ERC1: variants seen among roughly 807,000 people sequenced by gnomAD.
The protein encoded by ERC1 is RAB6 interacting protein 2.
In ERC1, 56 loss-of-function variants were observed where a neutral mutation model predicts 132.0. That is an observed-to-expected ratio of 0.42 (90% CI 0.34 to 0.53). The LOEUF (loss-of-function observed/expected upper bound fraction) is 0.53, where lower values mean the gene tolerates loss of function less well. ERC1 is among the 20% of genes least tolerant of loss of function. The pLI is 0.03. For synonymous variants in ERC1, 478 were observed against 476.1 expected, an observed-to-expected ratio of 1.00 and a Z score of -0.05; for missense variants, 1,202 against 1,349.9, an observed-to-expected ratio of 0.89 and a Z score of 1.72.
chr12:1,169,688 G>C (rs909628218), intron 8 of ERC1, among the ~76,000 whole-genome samples: 3 of 152,160 alleles, frequency 2.0e-5, no homozygotes, highest in East Asian at 3.8e-4. Context: ...AATTCAATGA[G>C]ATGAACTTGA....
At chr12:1,109,873 C>T (rs1945660646) in intron 4 of ERC1, among the ~76,000 whole-genome samples, 1 of 152,160 alleles carries the variant, frequency 6.6e-6, no homozygotes, top group Non-Finnish European at 1.5e-5. Context: ...CATGGCAAAA[C>T]CCTGTCTCTA....
intron 3 of ERC1, among the ~76,000 whole-genome samples, chr12:1,104,454 A>G (rs1184354214): frequency 6.6e-6 from 1 of 152,212 alleles, no homozygotes; most frequent in African/African-American, 2.4e-5. Context: ...GAAGATTGAC[A>G]CACAACCTGA....
chr12:1,124,366 A>G (rs889478008), intron 7 of ERC1, among the ~76,000 whole-genome samples: 2 of 152,214 alleles, frequency 1.3e-5, no homozygotes, highest in Non-Finnish European at 2.9e-5. Context: ...GAAAACCAAA[A>G]TAAGTATATA....
In ERC1 at chr12:1,183,320, G is replaced by T; in HGVS notation, c.2056G>T (p.Ala686Ser). 1 of 1,577,830 alleles carries T rather than the reference G, an allele frequency of 6.3e-7. No individual in the cohort carries two copies. Among genetic ancestry groups the T allele is most frequent in the Non-Finnish European group, 8.6e-7 (1 of 1,156,616 alleles). ...TCTGAAAGAGCATGCTTCTTCTCTG[G>T]CATCCTCAGGACTGAAAAAGGACTC... ...LDLKEHASSL[A>S]SSGLKKDSRL... Residue 686 changes from alanine (A) to serine (S), a missense_variant, in exon 11 of 19, where the codon GCA (alanine) becomes TCA (serine). Ala to Ser is a moderately conservative substitution (Grantham distance 99). Coordinates refer to ENST00000360905, the MANE Select transcript of ERC1 (RefSeq NM_178040.4).
At chr12:1,405,014 C>A (rs2091362373) in intron 16 of ERC1, among the ~76,000 whole-genome samples, 1 of 151,946 alleles carries the variant, frequency 6.6e-6, no homozygotes, top group Non-Finnish European at 1.5e-5. Context: ...GTGGTGTGTG[C>A]CTCTAATCCG....
At chr12:1,029,163 G>GAGTT (rs1967497683) in intron 2 of ERC1, among the ~76,000 whole-genome samples, 1 of 152,020 alleles carries the variant, frequency 6.6e-6, no homozygotes, top group Non-Finnish European at 1.5e-5. Context: ...GACCAGCCTG[G>GAGTT]CGACGTGGTG....
At chr12:1,041,218 T>A (rs1285020026) in intron 2 of ERC1, among the ~76,000 whole-genome samples, 1 of 151,988 alleles carries the variant, frequency 6.6e-6, no homozygotes, top group Non-Finnish European at 1.5e-5. Context: ...TCTTTTTTTT[T>A]TTTTTTGAGA....
intron 15 of ERC1, among the ~76,000 whole-genome samples, chr12:1,290,263 C>G (rs2079347335): frequency 6.6e-6 from 1 of 152,182 alleles, no homozygotes; most frequent in African/African-American, 2.4e-5. Context: ...AATTACCTCT[C>G]TGAAATTCCT....
chr12:1,263,008 T>C (rs1410814853), intron 13 of ERC1, 26 bp from the exon 14 acceptor site: 2 of 1,612,458 alleles, frequency 1.2e-6, no homozygotes, highest in East Asian at 2.2e-5. Flanking sequence ...TTAATCCACT[T>C]CACCTAGTCT....
At chr12:1,364,997 C>G (rs2086519272) in intron 15 of ERC1, among the ~76,000 whole-genome samples, 1 of 152,188 alleles carries the variant, frequency 6.6e-6, no homozygotes, top group Admixed American at 6.5e-5. Flanking sequence ...TGGACAAACA[C>G]AGATTCAATG....
rs116088627 is a variant in ERC1, at chr12:1,017,413, A to G, written c.-156-10335A>G. On this transcript the variant is annotated intron_variant, in intron 1 of 18. Coordinates refer to ENST00000360905, the MANE Select transcript of ERC1 (RefSeq NM_178040.4). The stretch of plus-strand genomic sequence containing the variant: ...TAAGATAAGCCAGATTTCTGGTAAT[A>G]TTCTTCTCAGAATTAGATTTTAGGA... 5.6e-3 allele frequency among the ~76,000 whole-genome samples: 859 copies of G among 152,152 alleles called. 2 individuals are homozygous for G. Among genetic ancestry groups the G allele is most frequent in the African/African-American group, 0.018 (764 of 41,512 alleles).
chr12:1,337,608 C>T (rs572044375), intron 15 of ERC1, among the ~76,000 whole-genome samples: 41 of 152,218 alleles, frequency 2.7e-4, no homozygotes, highest in African/African-American at 9.4e-4. Flanking sequence ...ATTATGCAGA[C>T]TTGTTTGTGT....
chr12:1,322,318 A>G (rs988283321), intron 15 of ERC1, among the ~76,000 whole-genome samples: 1 of 152,154 alleles, frequency 6.6e-6, no homozygotes, highest in African/African-American at 2.4e-5. Flanking sequence ...CCATTCTCTT[A>G]GGAAAACTGA....
chr12:1,156,968 TG>T (rs1951458659), intron 8 of ERC1, among the ~76,000 whole-genome samples: 3 of 152,306 alleles, frequency 2.0e-5, no homozygotes, highest in African/African-American at 7.2e-5. Context: ...TCCTGTTTTT[TG>T]TTTTTTGTTT....
At chr12:1,481,044 T>C in intron 18 of ERC1, 1 of 581,790 alleles carries the variant, frequency 1.7e-6, no homozygotes, top group Non-Finnish European at 3.1e-6. Context: ...TAAAGTCTAG[T>C]TTATAAATTA....
chr12:1,318,369 A>G (rs2081907413), intron 15 of ERC1, among the ~76,000 whole-genome samples: 1 of 152,210 alleles, frequency 6.6e-6, no homozygotes, highest in Non-Finnish European at 1.5e-5. Flanking sequence ...AAGCTCATAC[A>G]AAATTTTGTA....
chr12:1,238,473 T>C (rs1325970389), intron 13 of ERC1, among the ~76,000 whole-genome samples: 1 of 152,172 alleles, frequency 6.6e-6, no homozygotes, highest in Non-Finnish European at 1.5e-5. Context: ...TTTTCTTTAT[T>C]GCTAACAACT....
chr12:1,091,954 A>G (rs558994594), intron 3 of ERC1, among the ~76,000 whole-genome samples: 63 of 151,798 alleles, frequency 4.2e-4, no homozygotes, highest in Middle Eastern at 6.8e-3. Context: ...TTCATTAGTT[A>G]TTGAATTATT....
chr12:1,301,518 A>G (rs549040248), intron 15 of ERC1, among the ~76,000 whole-genome samples: 2 of 152,312 alleles, frequency 1.3e-5, no homozygotes, highest in South Asian at 4.1e-4. Context: ...TTTTATAGGA[A>G]CATGGATGGA....
Sources: gnomAD v4.1 joint callset for allele counts (sites outside exome capture counted in the v4.1 genomes callset) on GRCh38, gnomAD v4.1.1 for gene constraint, MANE v1.5 for transcripts, NCBI Gene and HGNC (gene_info 2026-07-23, HGNC 2026-07-21) for gene names.